PTPRD: variants seen among roughly 807,000 people sequenced by gnomAD.
PTPRD encodes the protein receptor-type tyrosine-protein phosphatase delta.
Under a neutral mutation model 214.5 loss-of-function variants are expected in PTPRD, and 34 were observed. The ratio of observed to expected loss-of-function variants is 0.16; its 90% CI spans 0.12 to 0.21. The LOEUF (loss-of-function observed/expected upper bound fraction) is 0.21, where lower values mean the gene tolerates loss of function less well. Ranked by LOEUF, PTPRD falls within the 10% of genes least tolerant of loss-of-function variation. The pLI is 1.00. For synonymous variants in PTPRD, 1,128 were observed against 845.7 expected, an observed-to-expected ratio of 1.33 and a Z score of -5.79; for missense variants, 2,545 against 2,398.7, an observed-to-expected ratio of 1.06 and a Z score of -1.27.
chr9:9,908,412 C>T (rs1279710100), intron 5 of PTPRD, among the ~76,000 whole-genome samples: 2 of 151,806 alleles, frequency 1.3e-5, no homozygotes, highest in African/African-American at 4.8e-5. Context: ...AGGACTAGTC[C>T]TTTGAAAGTA....
chr9:9,484,204 T>C (rs1373098019), intron 8 of PTPRD, among the ~76,000 whole-genome samples: 3 of 146,848 alleles, frequency 2.0e-5, no homozygotes, highest in African/African-American at 7.7e-5. Flanking sequence ...TAGAATACTA[T>C]ACAGCAAAAA....
chr9:9,808,797 G>A (rs10977998), intron 5 of PTPRD, among the ~76,000 whole-genome samples: 53,420 of 151,782 alleles, frequency 0.35, 10,488 homozygotes, highest in East Asian at 0.81. Flanking sequence ...TTAGATACTG[G>A]GTCTTGCTTT....
At chr9:10,519,335 T>C (rs2051347735) in intron 2 of PTPRD, among the ~76,000 whole-genome samples, 1 of 146,922 alleles carries the variant, frequency 6.8e-6, no homozygotes. Context: ...GAAGGTACCA[T>C]GCCCTAGACA....
At chr9:8,948,176 C>T (rs1011655786) in intron 11 of PTPRD, among the ~76,000 whole-genome samples, 3 of 150,534 alleles carry the variant, frequency 2.0e-5, no homozygotes, top group African/African-American at 4.9e-5. Context: ...CATGCCACCA[C>T]ACCCAGCTAA....
chr9:10,584,041 A>G (rs1274066781), intron 2 of PTPRD, among the ~76,000 whole-genome samples: 4 of 152,166 alleles, frequency 2.6e-5, no homozygotes, highest in African/African-American at 9.7e-5. Flanking sequence ...TTGTGAGTCA[A>G]TAAGGAGACA....
chr9:9,360,731 T>C (rs2139008211), intron 9 of PTPRD, among the ~76,000 whole-genome samples: 1 of 151,334 alleles, frequency 6.6e-6, no homozygotes, highest in South Asian at 2.1e-4. Flanking sequence ...TTTCTATAAA[T>C]AATGGTAAAT....
Position 10,360,635 on chromosome 9 carries a change from AT to A in PTPRD, c.-599-19619del, listed in dbSNP as rs376810518. On this transcript the variant is annotated intron_variant, in intron 2 of 45. Coordinates refer to ENST00000381196, the MANE Select transcript of PTPRD (RefSeq NM_002839.4). ...TATTACAGACCAGAAGTTTTCTAAT[AT>A]TTTTTTGAATCCCTTTAGATTCATA... is the stretch of plus-strand genomic sequence containing the variant. Among the ~76,000 whole-genome samples the A allele has an allele frequency of 7.4e-4, 113 of 152,280 alleles. 2 individuals are homozygous for A. The South Asian group carries it at 0.018, about 24-fold the overall frequency.
At chr9:10,607,987 C>T (rs1347213056) in intron 2 of PTPRD, among the ~76,000 whole-genome samples, 3 of 151,910 alleles carry the variant, frequency 2.0e-5, no homozygotes, top group African/African-American at 4.8e-5. Context: ...GGATGGAAAA[C>T]CTCTCTGTGA....
intron 3 of PTPRD, among the ~76,000 whole-genome samples, chr9:10,334,648 C>A (rs139349433): frequency 6.4e-4 from 97 of 151,476 alleles, no homozygotes; most frequent in African/African-American, 2.2e-3. Context: ...ACAAGATCAC[C>A]TATGCAGAAA....
intron 36 of PTPRD, among the ~76,000 whole-genome samples, chr9:8,390,704 C>G (rs994871908): frequency 6.6e-6 from 1 of 152,102 alleles, no homozygotes; most frequent in Non-Finnish European, 1.5e-5. Flanking sequence ...TTTCCATCAG[C>G]ACATGCCTTT....
At chr9:8,550,711 T>C (rs959093972) in intron 14 of PTPRD, among the ~76,000 whole-genome samples, 1 of 152,208 alleles carries the variant, frequency 6.6e-6, no homozygotes, top group Admixed American at 6.5e-5. Context: ...ACTGATAGTA[T>C]AAAAGCTCAG....
At chr9:10,277,996 T>C (rs1047379056) in intron 3 of PTPRD, among the ~76,000 whole-genome samples, 8 of 151,916 alleles carry the variant, frequency 5.3e-5, no homozygotes, top group Non-Finnish European at 1.0e-4. Flanking sequence ...CTGTCTCTAC[T>C]AAAAATACAA....
At chr9:8,963,976 G>C (rs905536775) in intron 11 of PTPRD, among the ~76,000 whole-genome samples, 3 of 151,880 alleles carry the variant, frequency 2.0e-5, no homozygotes, top group Non-Finnish European at 2.9e-5. Flanking sequence ...GGATTTTTGT[G>C]TCTATGTTTA....
intron 2 of PTPRD, among the ~76,000 whole-genome samples, chr9:10,376,429 G>C (rs2097730048): frequency 6.6e-6 from 1 of 151,414 alleles, no homozygotes; most frequent in Non-Finnish European, 1.5e-5. Flanking sequence ...TGCATGCCTT[G>C]ATATTCTGCT....
At chr9:8,713,758 A>T in intron 12 of PTPRD, 2 of 1,529,846 alleles carry the variant, frequency 1.3e-6, no homozygotes, top group Non-Finnish European at 1.8e-6. Context: ...CGACTGCAAG[A>T]TCAAGTTCCC....
At chr9:10,598,918 G>T (rs1005972858) in intron 2 of PTPRD, among the ~76,000 whole-genome samples, 9 of 151,580 alleles carry the variant, frequency 5.9e-5, no homozygotes, top group Admixed American at 5.3e-4. Context: ...GTAAAACAGA[G>T]AATACAAACT....
At position 9,007,254 on chromosome 9, in the gene PTPRD, C is replaced by A. The variant is rs531633264; in HGVS notation, c.-104+11443G>T. On this transcript the variant is annotated intron_variant, in intron 11 of 45. Coordinates refer to ENST00000381196, the MANE Select transcript of PTPRD (RefSeq NM_002839.4). ...AATTTAATTTCGATAGACTTCTTCA[C>A]TCTACCCTTCAACTCTGAATCACTT... 4.6e-5 allele frequency among the ~76,000 whole-genome samples: 7 copies of A among 151,074 alleles called. No homozygotes were observed. In the South Asian group the frequency reaches 1.5e-3, roughly 32 times the overall value.
At chr9:9,488,002 A>G (rs902930426) in intron 8 of PTPRD, among the ~76,000 whole-genome samples, 4 of 152,150 alleles carry the variant, frequency 2.6e-5, no homozygotes, top group Admixed American at 2.0e-4. Context: ...TTTTATTTTT[A>G]TACTATTTGT....
chr9:10,520,683 G>A (rs142529261), intron 2 of PTPRD, among the ~76,000 whole-genome samples: 2 of 152,052 alleles, frequency 1.3e-5, no homozygotes, highest in Non-Finnish European at 2.9e-5. Context: ...CTCTTGCTAG[G>A]AGCTAATGCA....
Sources: gnomAD v4.1 joint callset for allele counts (sites outside exome capture counted in the v4.1 genomes callset) on GRCh38, gnomAD v4.1.1 for gene constraint, MANE v1.5 for transcripts, NCBI Gene and HGNC (gene_info 2026-07-23, HGNC 2026-07-21) for gene names.